Variants in CTNNA2 observed in about 807,000 individuals in gnomAD.
CTNNA2 encodes the protein catenin alpha 2, also known as catenin alpha-2.
CTNNA2 carries 42 observed loss-of-function variants against 101.0 expected under a neutral mutation model. The observed-to-expected ratio is 0.42, with a 90% CI of 0.32 to 0.54. The LOEUF is 0.54. Among genes scored for constraint, CTNNA2 ranks in the 20% least tolerant of loss-of-function variants. CTNNA2 has a pLI of 0.14. For missense variants in CTNNA2, 871 were observed against 1,223.1 expected (o/e 0.71, Z 4.29); for synonymous variants, 450 against 456.4 (o/e 0.99, Z 0.18).
chr2:79,338,792 C>T (rs1677065030), intron 3 of CTNNA2, among the ~76,000 whole-genome samples: 1 of 151,916 alleles, frequency 6.6e-6, no homozygotes, highest in Non-Finnish European at 1.5e-5. Context: ...ATAAAAATAT[C>T]TGGGAGTGGT....
intron 9 of CTNNA2, among the ~76,000 whole-genome samples, chr2:80,523,219 C>T (rs567325340): frequency 6.6e-6 from 1 of 152,144 alleles, no homozygotes; most frequent in African/African-American, 2.4e-5. Context: ...GTCAAGCAGC[C>T]TCAGTGGGAG....
At chr2:80,589,517 T>C in intron 15 of CTNNA2, 32 bp downstream of exon 15, 1 of 1,602,286 alleles carries the variant, frequency 6.2e-7, no homozygotes, top group Non-Finnish European at 8.5e-7. Context: ...CTGAAGATTT[T>C]TTCATTAAAC....
intron 7 of CTNNA2, among the ~76,000 whole-genome samples, chr2:79,943,894 A>G (rs2104465678): frequency 6.6e-6 from 1 of 152,338 alleles, no homozygotes; most frequent in East Asian, 1.9e-4. Flanking sequence ...AAGATATGCA[A>G]TAAAATATAT....
At chr2:80,479,790 CA>C (rs1686009232) in intron 9 of CTNNA2, among the ~76,000 whole-genome samples, 1 of 152,126 alleles carries the variant, frequency 6.6e-6, no homozygotes, top group African/African-American at 2.4e-5. Context: ...TTATTGAAAA[CA>C]TTTTAATCAC....
chr2:79,232,100 T>G (rs764067562), intron 2 of CTNNA2, among the ~76,000 whole-genome samples: 3 of 152,148 alleles, frequency 2.0e-5, no homozygotes, highest in African/African-American at 4.8e-5. Context: ...CTGTGTTGAA[T>G]AGGAGTAGTA....
intron 4 of CTNNA2, among the ~76,000 whole-genome samples, chr2:79,421,413 G>A (rs1272743543): frequency 6.6e-6 from 1 of 152,130 alleles, no homozygotes; most frequent in African/African-American, 2.4e-5. Flanking sequence ...TCCGAAAAGG[G>A]CTAGTAAAAA....
At chr2:79,718,821 CTTG>C (rs1172534235) in intron 2 of CTNNA2, among the ~76,000 whole-genome samples, 17 of 146,098 alleles carry the variant, frequency 1.2e-4, no homozygotes, top group East Asian at 4.0e-4. Flanking sequence ...CTTTTTCCCA[CTTG>C]TTTTTTTTTT....
intron 2 of CTNNA2, among the ~76,000 whole-genome samples, chr2:79,718,263 T>A (rs1686239870): frequency 6.6e-6 from 1 of 152,170 alleles, no homozygotes; most frequent in Non-Finnish European, 1.5e-5. Context: ...ATAAAAGAAT[T>A]TTCTCTTTTC....
chr2:80,359,074 CAA>C, intron 7 of CTNNA2, among the ~76,000 whole-genome samples: 1 of 151,620 alleles, frequency 6.6e-6, no homozygotes, highest in East Asian at 1.9e-4. Context: ...CAAAACAAAA[CAA>C]AAAAAACCTT....
chr2:80,001,443 G>A (rs1033062798), intron 7 of CTNNA2, among the ~76,000 whole-genome samples: 2 of 152,204 alleles, frequency 1.3e-5, no homozygotes, highest in Admixed American at 1.3e-4. Context: ...GTTTTAAAAA[G>A]CATTTTAAAA....
chr2:80,173,996 A>G (rs1705238154), intron 7 of CTNNA2, among the ~76,000 whole-genome samples: 1 of 152,222 alleles, frequency 6.6e-6, no homozygotes. Context: ...GAAATGCTAA[A>G]GGATCCATTC....
At chr2:80,311,143 T>C (rs1677537128) in intron 7 of CTNNA2, among the ~76,000 whole-genome samples, 1 of 152,208 alleles carries the variant, frequency 6.6e-6, no homozygotes, top group Non-Finnish European at 1.5e-5. Flanking sequence ...TGGTTTTTAG[T>C]CATTATAAAA....
At chr2:80,566,161 A>C (rs1694045047) in intron 12 of CTNNA2, among the ~76,000 whole-genome samples, 2 of 152,200 alleles carry the variant, frequency 1.3e-5, no homozygotes, top group Admixed American at 1.3e-4. Context: ...ATTACCCGCA[A>C]ATTTAACTTG....
intron 4 of CTNNA2, among the ~76,000 whole-genome samples, chr2:79,867,353 A>G (rs1163970971): frequency 2.0e-5 from 3 of 152,018 alleles, no homozygotes; most frequent in African/African-American, 4.8e-5. Context: ...CTGTCTATCT[A>G]TCAATCATCC....
chr2:80,354,797 C>G (rs139348231), intron 7 of CTNNA2, among the ~76,000 whole-genome samples: 2 of 152,124 alleles, frequency 1.3e-5, no homozygotes, highest in South Asian at 4.2e-4. Flanking sequence ...CTAAAGCTGC[C>G]GGTCTGGGCC....
chr2:79,694,104 A>G (rs1007452513), intron 2 of CTNNA2, among the ~76,000 whole-genome samples: 18 of 152,000 alleles, frequency 1.2e-4, no homozygotes, highest in Admixed American at 3.9e-4. Context: ...CTTCTCACTT[A>G]GACAACCTCA....
chr2:79,835,172 T>G (rs1679227930), intron 3 of CTNNA2, among the ~76,000 whole-genome samples: 1 of 152,194 alleles, frequency 6.6e-6, no homozygotes, highest in Admixed American at 6.5e-5. Flanking sequence ...AATCAAAACT[T>G]GAGTATCATC....
At chr2:79,279,371 A>C (rs542219218) in intron 2 of CTNNA2, among the ~76,000 whole-genome samples, 6 of 152,218 alleles carry the variant, frequency 3.9e-5, no homozygotes, top group African/African-American at 1.4e-4. Flanking sequence ...TAAATGCCTG[A>C]GGATAATTCT....
At chr2:80,357,115 T>A (rs1673886947) in intron 7 of CTNNA2, among the ~76,000 whole-genome samples, 1 of 152,138 alleles carries the variant, frequency 6.6e-6, no homozygotes, top group Non-Finnish European at 1.5e-5. Context: ...GGTCAGTGAA[T>A]GGTTATGATA....
Sources: gnomAD v4.1 joint callset for allele counts (sites outside exome capture counted in the v4.1 genomes callset) on GRCh38, gnomAD v4.1.1 for gene constraint, MANE v1.5 for transcripts, NCBI Gene and HGNC (gene_info 2026-07-23, HGNC 2026-07-21) for gene names.